RBBP4: variants seen among roughly 807,000 people sequenced by gnomAD.
RBBP4 encodes the protein histone-binding protein RBBP4.
RBBP4 carries 3 observed loss-of-function variants against 57.2 expected under a neutral mutation model. That is an observed-to-expected ratio of 0.05 (90% CI 0.02 to 0.14). The LOEUF (loss-of-function observed/expected upper bound fraction) is 0.14, where lower values mean the gene tolerates loss of function less well. Ranked by LOEUF, RBBP4 falls within the 10% of genes least tolerant of loss-of-function variation. RBBP4 has a pLI of 1.00. For missense variants in RBBP4, 107 were observed against 520.6 expected (o/e 0.21, Z 7.73); for synonymous variants, 151 against 171.5 (o/e 0.88, Z 0.93).
At chr1:32,663,011 TA>T (rs983456775) in intron 3 of RBBP4, among the ~76,000 whole-genome samples, 4 of 151,900 alleles carry the variant, frequency 2.6e-5, no homozygotes, top group African/African-American at 9.7e-5. Flanking sequence ...AAATAAAAAT[TA>T]AAAAGTGATG....
chr1:32,679,029 G>A (rs1426425505), intron 11 of RBBP4, among the ~76,000 whole-genome samples: 1 of 152,124 alleles, frequency 6.6e-6, no homozygotes, highest in African/African-American at 2.4e-5. Flanking sequence ...GGGCACAATG[G>A]CTTACTCCTA....
At chr1:32,661,945 T>TG (rs1648436138) in intron 3 of RBBP4, among the ~76,000 whole-genome samples, 1 of 120,438 alleles carries the variant, frequency 8.3e-6, no homozygotes, top group Non-Finnish European at 1.6e-5. Flanking sequence ...GAGTGCAGTG[T>TG]GGCAATCTCG....
chr1:32,663,286 C>A (rs546066768), intron 3 of RBBP4, among the ~76,000 whole-genome samples: 1 of 152,260 alleles, frequency 6.6e-6, no homozygotes, highest in Non-Finnish European at 1.5e-5. Flanking sequence ...TTTACTATAT[C>A]ATGTTATACC....
At chr1:32,656,628 A>G (rs576264090) in intron 2 of RBBP4, among the ~76,000 whole-genome samples, 2 of 152,320 alleles carry the variant, frequency 1.3e-5, no homozygotes, top group South Asian at 2.1e-4. Context: ...CTGGGATTAC[A>G]GGTGTGAGCC....
chr1:32,681,555 T>G lies in RBBP4; in HGVS notation c.*1850T>G. 1 of 537,802 alleles carries G rather than the reference T, an allele frequency of 1.9e-6. No homozygotes were observed. 33.3% of individuals were successfully genotyped at this position (537,802 alleles called of 1,614,324 possible). ...ACATTCATCCTTCACTCAGTGCATA[T>G]GTGAGGGTTGTTGCTGGAAGACAGG... On this transcript the variant is annotated 3_prime_UTR_variant, in exon 12 of 12. Coordinates refer to ENST00000373493, the MANE Select transcript of RBBP4 (RefSeq NM_005610.3).
At chr1:32,652,614 C>G (rs1434404108) in intron 2 of RBBP4, 1 of 152,480 alleles carries the variant, frequency 6.6e-6, no homozygotes, top group African/African-American at 2.4e-5. Flanking sequence ...GAGCTCGACT[C>G]ACTGCAACCT....
rs201749130 is a variant in RBBP4 at position 32,673,442 on chromosome 1, C to CTT, written c.1212+553_1212+554dup. 1.4e-3 allele frequency: 499 copies of CTT among 366,446 alleles called. 10 individuals are homozygous for CTT. Among genetic ancestry groups the CTT allele is most frequent in the East Asian group, 3.8e-3 (45 of 11,876 alleles). The allele number at this position is 366,446 out of a possible 1,614,324, so 22.7% of individuals were successfully genotyped here. A position where few individuals can be genotyped will look rare whatever the true frequency, so the allele number is the denominator to read the frequency against. On this transcript the variant is annotated intron_variant, in intron 11 of 11. Coordinates refer to ENST00000373493, the MANE Select transcript of RBBP4 (RefSeq NM_005610.3). ...TGTGAACACCCTCCTTAAATTTTCT[C>CTT]TTTTTTTTTTTTTGAGATGGTCTCT... is the stretch of plus-strand genomic sequence containing the variant.
At chr1:32,678,704 C>T (rs1217484372) in intron 11 of RBBP4, among the ~76,000 whole-genome samples, 1 of 151,072 alleles carries the variant, frequency 6.6e-6, no homozygotes, top group Non-Finnish European at 1.5e-5. Context: ...ATTCTTATGC[C>T]TCAGCCTCCC....
At chr1:32,666,486 G>T (rs1412429176) in intron 3 of RBBP4, among the ~76,000 whole-genome samples, 1 of 151,860 alleles carries the variant, frequency 6.6e-6, no homozygotes, top group East Asian at 1.9e-4. Context: ...CTCCCCAGTA[G>T]CTGGGGACTA....
At chr1:32,670,895 A>G (rs1180513884) in intron 8 of RBBP4, among the ~76,000 whole-genome samples, 1 of 152,144 alleles carries the variant, frequency 6.6e-6, no homozygotes, top group Non-Finnish European at 1.5e-5. Context: ...CTACATACTT[A>G]GTCTCTTATT....
At chr1:32,661,870 C>CTTTTTTTTTTTTTTTT (rs71006354) in intron 3 of RBBP4, among the ~76,000 whole-genome samples, 1 of 49,308 alleles carries the variant, frequency 2.0e-5, no homozygotes, top group African/African-American at 9.0e-5. Context: ...CCTTTGCCCA[C>CTTTTTTTTTTTTTTTT]TTTTTTTTTT....
intron 3 of RBBP4, among the ~76,000 whole-genome samples, chr1:32,661,111 G>A (rs1478026185): frequency 6.6e-6 from 1 of 152,018 alleles, no homozygotes; most frequent in African/African-American, 2.4e-5. Context: ...ACTATACTCA[G>A]CCAAAAAAAT....
In RBBP4 at chr1:32,669,746, C is replaced by T. The variant is rs775351873; in HGVS notation, c.966+183C>T. On this transcript the variant is annotated intron_variant, in intron 8 of 11. Transcript: ENST00000373493. This position sits in a 1 kb window ranked among gnomAD's most constrained non-coding sequence, Gnocchi z 4.9. ...TCTACTAAAAATATAAAAAATTAGC[C>T]GGGCATGGTGGCGGATGCCCGTAGT... Among the ~76,000 whole-genome samples, 3 of 152,008 alleles carry T rather than the reference C, an allele frequency of 2.0e-5. No individual in the cohort carries two copies. Among genetic ancestry groups the T allele is most frequent in the African/African-American group, 4.8e-5 (2 of 41,372 alleles).
Position 32,672,629 on chromosome 1 carries a change from G to T in RBBP4, c.1044-13G>T, listed in dbSNP as rs1648926006. Reference sequence around the variant, plus strand: ...AATCTGTTTTAACTTTTAAAATTATGCTTTTGTACTAGTAAAATTGGAGAG... The same window carrying T: ...AATCTGTTTTAACTTTTAAAATTATTCTTTTGTACTAGTAAAATTGGAGAG... On this transcript the variant is annotated splice_polypyrimidine_tract_variant and intron_variant, in intron 9 of 11. Transcript: ENST00000373493. 8 of 1,613,132 alleles carry T rather than the reference G, an allele frequency of 5.0e-6. No homozygotes were observed. Among genetic ancestry groups the T allele is most frequent in the Admixed American group, 1.7e-5 (1 of 59,986 alleles).
chr1:32,661,113 C>CA (rs199735554), intron 3 of RBBP4, among the ~76,000 whole-genome samples: 1 of 151,986 alleles, frequency 6.6e-6, no homozygotes, highest in Non-Finnish European at 1.5e-5. Context: ...TATACTCAGC[C>CA]AAAAAAATTT....
At position 32,669,707 on chromosome 1, in the gene RBBP4, G is replaced by A. The variant is rs1570859730; in HGVS notation, c.966+144G>A. ...AGATCGAGACCATCCTGGCTAACACGGTGAAACCCTGTCTCTACTAAAAAT... is the reference window on the plus strand; with the variant it reads ...AGATCGAGACCATCCTGGCTAACACAGTGAAACCCTGTCTCTACTAAAAAT... On this transcript the variant is annotated intron_variant, in intron 8 of 11. Transcript: ENST00000373493. The surrounding 1 kb of genome is among the most constrained non-coding windows in gnomAD (Gnocchi z 4.9). 3.1e-6 allele frequency: 4 copies of A among 1,297,314 alleles called. No individual in the cohort carries two copies. The highest frequency in any genetic ancestry group is 1.5e-5 in the African/African-American group (1 of 65,384). 80.4% of individuals were successfully genotyped at this position (1,297,314 alleles called of 1,614,324 possible).
chr1:32,651,794 G>A, intron 1 of RBBP4, 120 bp from the exon 2 acceptor site: 2 of 1,194,672 alleles, frequency 1.7e-6, no homozygotes, highest in Non-Finnish European at 2.3e-6. Context: ...TCTGCCGTGG[G>A]GATTTAGACA....
intron 2 of RBBP4, among the ~76,000 whole-genome samples, chr1:32,655,987 G>T (rs1648123530): frequency 6.6e-6 from 1 of 152,134 alleles, no homozygotes; most frequent in Admixed American, 6.6e-5. Context: ...TTTCTAACAA[G>T]TTCCCAGATG....
chr1:32,669,627 A>G lies in RBBP4; in HGVS notation c.966+64A>G. The G allele has an allele frequency of 6.5e-7, 1 of 1,546,854 alleles. No individual in the cohort carries two copies. The highest frequency in any genetic ancestry group is 8.7e-7 in the Non-Finnish European group (1 of 1,150,026). ...AAAAACCTGCTGGGCGCGGTCGCTC[A>G]CGCCTGTAATCCCAGCACTTTGGGA... On this transcript the variant is annotated intron_variant, in intron 8 of 11. Coordinates refer to ENST00000373493, the MANE Select transcript of RBBP4 (RefSeq NM_005610.3). This position sits in a 1 kb window ranked among gnomAD's most constrained non-coding sequence, Gnocchi z 4.9.
Sources: allele counts gnomAD v4.1 joint callset (sites outside exome capture counted in the v4.1 genomes callset), GRCh38; gene constraint gnomAD v4.1.1; non-coding constraint Gnocchi (gnomAD v3.1); transcripts MANE v1.5; gene names NCBI Gene and HGNC (gene_info 2026-07-23, HGNC 2026-07-21).